Variants in TRIO observed in about 807,000 individuals in gnomAD.
TRIO encodes trio Rho guanine nucleotide exchange factor.
In TRIO, 58 loss-of-function variants were observed where a neutral mutation model predicts 351.9. The observed-to-expected ratio is 0.16, with a 90% CI of 0.13 to 0.21. The LOEUF is 0.21. TRIO is among the 10% of genes least tolerant of loss of function. TRIO has a pLI of 1.00. For synonymous variants in TRIO, 1,758 were observed against 1,595.7 expected (o/e 1.10, Z -2.42); for missense variants, 3,201 against 4,027.8 (o/e 0.79, Z 5.56).
At chr5:14,326,905 T>G (rs1367955348) in intron 9 of TRIO, among the ~76,000 whole-genome samples, 1 of 152,208 alleles carries the variant, frequency 6.6e-6, no homozygotes, top group African/African-American at 2.4e-5. Context: ...GAATATTAGC[T>G]GGATTTCATA....
intron 20 of TRIO, among the ~76,000 whole-genome samples, chr5:14,379,460 G>A (rs887451881): frequency 2.0e-5 from 3 of 152,218 alleles, no homozygotes; most frequent in Non-Finnish European, 4.4e-5. Context: ...CTAGGCCAGG[G>A]ATCTGGCGCC....
intron 1 of TRIO, among the ~76,000 whole-genome samples, chr5:14,225,846 G>C (rs1392298306): frequency 1.4e-5 from 2 of 144,290 alleles, no homozygotes; most frequent in African/African-American, 2.6e-5. Flanking sequence ...ATAACAACGG[G>C]GGTGGGCAGA....
At chr5:14,450,399 C>T (rs1024510443) in intron 34 of TRIO, among the ~76,000 whole-genome samples, 5 of 152,126 alleles carry the variant, frequency 3.3e-5, no homozygotes, top group Admixed American at 3.3e-4. Flanking sequence ...GTGAAAGCTC[C>T]CCACTGAATT....
intron 11 of TRIO, among the ~76,000 whole-genome samples, chr5:14,351,071 T>A (rs1348646717): frequency 6.6e-6 from 1 of 152,182 alleles, no homozygotes; most frequent in Non-Finnish European, 1.5e-5. Flanking sequence ...ACTTGCCTGC[T>A]GCTCACCTCC....
In TRIO at chr5:14,487,943, G is replaced by A. The variant is rs1174036266; in HGVS notation, c.7315G>A (p.Ala2439Thr). The change falls in exon 48 of 57, where the codon GCT becomes ACT. Residue 2439 changes from alanine to threonine, a missense_variant. Transcript: ENST00000344204. ...SPDAPAKDAR[A>T]SLGTLPLGKP... ...AGACGCCCCCGCCAAGGACGCGCGC[G>A]CTAGCCTGGGCACCCTGCCGCTTGG... 6 of 1,545,808 alleles carry A rather than the reference G, an allele frequency of 3.9e-6. No homozygotes were observed. The highest frequency in any genetic ancestry group is 5.2e-6 in the Non-Finnish European group (6 of 1,145,598).
Position 14,406,643 on chromosome 5 carries a change from A to G in TRIO, c.4930A>G (p.Thr1644Ala). ...QPDTISIASRTSQNTLDSDKL... is the reference protein window; with the variant it reads ...QPDTISIASRASQNTLDSDKL... The stretch of plus-strand genomic sequence containing the variant: ...TGATACGATTTCCATCGCCTCACGG[A>G]CGTCTCAGAACACGCTGGACAGCGA... Residue 1644 changes from threonine to alanine, a missense_variant, in exon 33 of 57, where the codon ACG (threonine) becomes GCG (alanine). Physicochemically the swap from Thr to Ala is moderately conservative, Grantham distance 58. Transcript: ENST00000344204. The G allele has an allele frequency of 1.2e-6, 2 of 1,614,038 alleles. No homozygotes were observed. The highest frequency in any genetic ancestry group is 1.7e-6 in the Non-Finnish European group (2 of 1,179,952).
chr5:14,388,200 G>A (rs1746714700), intron 23 of TRIO, among the ~76,000 whole-genome samples: 1 of 152,144 alleles, frequency 6.6e-6, no homozygotes, highest in Admixed American at 6.5e-5. Flanking sequence ...AAATAAAAAA[G>A]AGTGCTCTAA....
chr5:14,317,719 CG>C (rs1288221917), intron 9 of TRIO, among the ~76,000 whole-genome samples: 14 of 152,150 alleles, frequency 9.2e-5, no homozygotes, highest in African/African-American at 3.1e-4. Context: ...GGGCCAGGTG[CG>C]GTGGCTCACG....
chr5:14,283,767 C>T (rs2591278), intron 3 of TRIO, among the ~76,000 whole-genome samples: 1 of 150,712 alleles, frequency 6.6e-6, no homozygotes, highest in African/African-American at 2.4e-5. Context: ...TTTTTTTAAA[C>T]AAACAAACAA....
In TRIO at chr5:14,366,953, C is replaced by G; in HGVS notation, c.2848C>G (p.His950Asp). The G allele has an allele frequency of 6.2e-7, 1 of 1,614,168 alleles. No individual in the cohort carries two copies. The highest frequency in any genetic ancestry group is 8.5e-7 in the Non-Finnish European group (1 of 1,180,038). ...AGAGGCAGAGCAGCTCCAGCGAGAGCACGAGCAGTTCCAGCATGCCATTGA... is the reference window on the plus strand; with the variant it reads ...AGAGGCAGAGCAGCTCCAGCGAGAGGACGAGCAGTTCCAGCATGCCATTGA... ...LQEAEQLQREHEQFQHAIEKT... is the reference protein window; with the variant it reads ...LQEAEQLQREDEQFQHAIEKT... Residue 950 changes from histidine to aspartate, a missense_variant, in exon 16 of 57, where the codon CAC (histidine) becomes GAC (aspartate). By Grantham distance (81) the His-to-Asp change is moderately conservative (BLOSUM62 -1). Around this residue, in one of 19 missense-constraint regions of TRIO, gnomAD observed 363 missense variants for 553.5 expected, o/e 0.66. Transcript: ENST00000344204.
intron 31 of TRIO, 37 bp from the exon 32 acceptor site, chr5:14,405,811 C>A (rs141492551): frequency 8.8e-6 from 14 of 1,596,954 alleles, no homozygotes; most frequent in Admixed American, 1.7e-5. Context: ...TGGAAAGGGC[C>A]GTTCCGTATC....
In TRIO at chr5:14,387,824, G is replaced by A. The variant is rs765936014; in HGVS notation, c.3858G>A (p.Lys1286=). The A allele has an allele frequency of 1.2e-6, 2 of 1,614,114 alleles. No homozygotes were observed. Among genetic ancestry groups the A allele is most frequent in the South Asian group, 1.1e-5 (1 of 91,076 alleles). Reference sequence around the variant, plus strand: ...CTGCTCATGAACTTAATGAAGAGAAGCGGAAATCTGCCCGCAGGAAAGAGT... The same window carrying A: ...CTGCTCATGAACTTAATGAAGAGAAACGGAAATCTGCCCGCAGGAAAGAGT... ...RDAAHELNEE[K]RKSARRKEFI... is the part of the protein sequence containing the mutation. Residue 1286 remains lysine (K), a synonymous_variant, in exon 23 of 57, where the codon AAG becomes AAA. Transcript: ENST00000344204.
intron 20 of TRIO, among the ~76,000 whole-genome samples, chr5:14,379,235 C>T (rs550730719): frequency 5.3e-5 from 8 of 152,298 alleles, no homozygotes; most frequent in African/African-American, 9.6e-5. Flanking sequence ...GACCACGACA[C>T]GGACCCATTT....
chr5:14,397,265 G>T, intron 29 of TRIO, 111 bp downstream of exon 29: 1 of 776,126 alleles, frequency 1.3e-6, no homozygotes, highest in South Asian at 1.9e-5. Flanking sequence ...TATGTTAGTG[G>T]TTAAGAACAT....
At chr5:14,364,530 A>G in intron 14 of TRIO, 120 bp from the exon 15 acceptor site, 1 of 1,267,824 alleles carries the variant, frequency 7.9e-7, no homozygotes, top group Non-Finnish European at 1.1e-6. Flanking sequence ...CCTTCAGCAT[A>G]ATGGCTTGGC....
At chr5:14,171,808 A>C (rs1192446519) in intron 1 of TRIO, among the ~76,000 whole-genome samples, 4 of 152,174 alleles carry the variant, frequency 2.6e-5, no homozygotes, top group African/African-American at 9.7e-5. Context: ...TGGTTAGTAG[A>C]TATGTGGACC....
In TRIO at chr5:14,504,991, C is replaced by T. The variant is rs3827600; in HGVS notation, c.8612+398C>T. On this transcript the variant is annotated intron_variant, in intron 55 of 56. Coordinates refer to ENST00000344204, the MANE Select transcript of TRIO (RefSeq NM_007118.4). Reference sequence around the variant, plus strand: ...GCAGGGCCAGCTCACCCCGGATCAGCGGGGTGCCCCTCAGGCCTCCTGCCA... The same window carrying T: ...GCAGGGCCAGCTCACCCCGGATCAGTGGGGTGCCCCTCAGGCCTCCTGCCA... Among the ~76,000 whole-genome samples the T allele has an allele frequency of 1.9e-3, 291 of 152,312 alleles. 4 individuals carry two copies. The East Asian group carries it at 0.052, about 27-fold the overall frequency.
chr5:14,487,344 C>G, intron 47 of TRIO, 120 bp from the exon 48 acceptor site: 1 of 1,047,898 alleles, frequency 9.5e-7, no homozygotes, highest in Non-Finnish European at 1.2e-6. Context: ...TGGGGTTGCT[C>G]TGCGCCCCTG....
intron 33 of TRIO, among the ~76,000 whole-genome samples, chr5:14,415,313 C>T (rs1453482592): frequency 6.6e-6 from 1 of 152,284 alleles, no homozygotes; most frequent in East Asian, 1.9e-4. Flanking sequence ...CCCACCACAC[C>T]AGTCCGAGAG....
Sources: allele counts gnomAD v4.1 joint callset (sites outside exome capture counted in the v4.1 genomes callset), GRCh38; gene constraint gnomAD v4.1.1; regional missense constraint gnomAD v4.1.1; transcripts MANE v1.5; gene names NCBI Gene and HGNC (gene_info 2026-07-23, HGNC 2026-07-21).